The following WAPL variants were observed in gnomAD, a reference collection of about 807,000 sequenced individuals.
WAPL encodes the protein WAPL cohesin release factor, also known as wings apart-like protein homolog.
In WAPL, 5 loss-of-function variants were observed where a neutral mutation model predicts 121.0. That is an observed-to-expected ratio of 0.04 (90% CI 0.02 to 0.09). The LOEUF (loss-of-function observed/expected upper bound fraction) is 0.09. Among genes scored for constraint, WAPL ranks in the 10% least tolerant of loss-of-function variants. The pLI, the probability that WAPL is intolerant of heterozygous loss-of-function variation, is 1.00. For missense variants in WAPL, 999 were observed against 1,410.8 expected (o/e 0.71, Z 4.68); for synonymous variants, 480 against 481.5 (o/e 1.00, Z 0.04).
At chr10:86,482,885 T>C (rs1160098380) in intron 4 of WAPL, among the ~76,000 whole-genome samples, 1 of 152,304 alleles carries the variant, frequency 6.6e-6, no homozygotes, top group Non-Finnish European at 1.5e-5. Flanking sequence ...AATGATTAGC[T>C]TCTGGAGATC....
chr10:86,497,462 A>G, intron 3 of WAPL, 143 bp from the exon 4 acceptor site: 1 of 637,826 alleles, frequency 1.6e-6, no homozygotes, highest in Non-Finnish European at 2.7e-6. Flanking sequence ...CTGACAAAAT[A>G]CTCCCTAGAA....
intron 15 of WAPL, among the ~76,000 whole-genome samples, chr10:86,448,722 C>G (rs1840897633): frequency 6.6e-6 from 1 of 152,094 alleles, no homozygotes; most frequent in Non-Finnish European, 1.5e-5. Context: ...TCATGTGATT[C>G]TCCCACCTCA....
At chr10:86,456,068 G>C (rs1235468283) in intron 12 of WAPL, among the ~76,000 whole-genome samples, 1 of 152,156 alleles carries the variant, frequency 6.6e-6, no homozygotes, top group Non-Finnish European at 1.5e-5. Flanking sequence ...ATAATGTAGA[G>C]TCTGATGGAC....
At chr10:86,463,274 G>A (rs1238109052) in intron 9 of WAPL, among the ~76,000 whole-genome samples, 1 of 152,252 alleles carries the variant, frequency 6.6e-6, no homozygotes, top group Admixed American at 6.5e-5. Flanking sequence ...CAGGTTGACA[G>A]AGCCAGAGAG....
chr10:86,455,683 T>TAAAAAAAAAAAAAAAAAAA (rs539594893), intron 12 of WAPL, among the ~76,000 whole-genome samples: 1 of 29,096 alleles, frequency 3.4e-5, no homozygotes, highest in Non-Finnish European at 7.4e-5. Context: ...CAATAAATAC[T>TAAAAAAAAAAAAAAAAAAA]AAAAAAAAAA....
At chr10:86,448,334 C>G (rs1427501556) in intron 15 of WAPL, among the ~76,000 whole-genome samples, 1 of 152,052 alleles carries the variant, frequency 6.6e-6, no homozygotes, top group East Asian at 1.9e-4. Context: ...GCCTGTAGTT[C>G]CACCTACTTG....
chr10:86,453,907 T>A, intron 12 of WAPL, 76 bp from the exon 13 acceptor site: 3 of 1,221,552 alleles, frequency 2.5e-6, no homozygotes, highest in Non-Finnish European at 3.2e-6. Context: ...TACTTGAACC[T>A]AAAGGCTATC....
chr10:86,450,425 A>C (rs572758492), intron 15 of WAPL, among the ~76,000 whole-genome samples: 6 of 152,130 alleles, frequency 3.9e-5, no homozygotes, highest in Admixed American at 2.6e-4. Flanking sequence ...TTGTACAGAC[A>C]GGATCTCACT....
intron 17 of WAPL, among the ~76,000 whole-genome samples, chr10:86,440,504 T>C (rs910567362): frequency 1.3e-5 from 2 of 151,974 alleles, no homozygotes; most frequent in Non-Finnish European, 2.9e-5. Flanking sequence ...TTTCACCGTG[T>C]TAGCCAGGAT....
chr10:86,521,528 G>C lies in WAPL; in HGVS notation c.-186C>G, dbSNP rs573142991. On this transcript the variant is annotated 5_prime_UTR_variant, in exon 1 of 19. Coordinates refer to ENST00000298767, the MANE Select transcript of WAPL (RefSeq NM_015045.5). ...TTCGGTAAATAGGAAGCCCGGTTGG[G>C]GGGGCAGGAGCGGCGGCCCCGCAAC... 101 of 366,806 alleles carry C rather than the reference G, an allele frequency of 2.8e-4. 1 individual carries two copies. In the Admixed American group the frequency reaches 3.2e-3, roughly 11 times the overall value. 22.7% of individuals were successfully genotyped at this position (366,806 alleles called of 1,614,324 possible).
At chr10:86,507,291 C>T (rs1189155907) in intron 2 of WAPL, among the ~76,000 whole-genome samples, 2 of 134,396 alleles carry the variant, frequency 1.5e-5, no homozygotes, top group Admixed American at 8.6e-5. Flanking sequence ...TCGCTTGAAC[C>T]CGGGAGGCAG....
intron 14 of WAPL, among the ~76,000 whole-genome samples, 174 bp downstream of exon 14, chr10:86,453,046 A>C (rs1249351666): frequency 6.0e-5 from 5 of 83,754 alleles, no homozygotes; most frequent in African/African-American, 1.4e-4. Context: ...AAAAAAAAAA[A>C]AAAAAAAAAA....
intron 4 of WAPL, chr10:86,488,421 T>A (rs771237618): frequency 5.9e-5 from 9 of 152,254 alleles, no homozygotes; most frequent in Non-Finnish European, 1.2e-4. Context: ...AGGATGAGCC[T>A]GGAACATCTT....
In WAPL at chr10:86,498,555, T is replaced by C. The variant is rs183983732; in HGVS notation, c.1525+1163A>G. Among the ~76,000 whole-genome samples the C allele has an allele frequency of 1.8e-3, 275 of 152,314 alleles. 2 individuals are homozygous for C. The highest frequency in any genetic ancestry group is 6.4e-3 in the African/African-American group (268 of 41,566). On this transcript the variant is annotated intron_variant, in intron 3 of 18. Coordinates refer to ENST00000298767, the MANE Select transcript of WAPL (RefSeq NM_015045.5). ...TTATATTCTACAAGAGAATTTGTAT[T>C]TCAAAATACTACTGTAATTCTAATT... is the stretch of plus-strand genomic sequence containing the variant.
intron 17 of WAPL, 101 bp from the exon 18 acceptor site, chr10:86,438,116 T>G (rs1849369969): frequency 2.3e-5 from 18 of 779,262 alleles, no homozygotes; most frequent in Non-Finnish European, 3.2e-5. Flanking sequence ...GTGCAAATTT[T>G]TAAGATCCTT....
Position 86,472,086 on chromosome 10 carries a change from C to A in WAPL, c.2030+122G>T. On this transcript the variant is annotated intron_variant, in intron 7 of 18. Transcript: ENST00000298767. This position sits in a 1 kb window ranked among gnomAD's most constrained non-coding sequence, Gnocchi z 4.2. The stretch of plus-strand genomic sequence containing the variant: ...AAATGGATAGCATTTTAACATATCA[C>A]TGGCTATACATACTACCCCATCATA... The A allele has an allele frequency of 1.2e-6, 1 of 811,458 alleles. No individual in the cohort carries two copies. The highest frequency in any genetic ancestry group is 1.8e-6 in the Non-Finnish European group (1 of 557,944). 50.3% of individuals were successfully genotyped at this position (811,458 alleles called of 1,614,324 possible).
chr10:86,478,969 C>T (rs1011267023), intron 4 of WAPL, among the ~76,000 whole-genome samples: 1 of 151,954 alleles, frequency 6.6e-6, no homozygotes, highest in African/African-American at 2.4e-5. Context: ...TGGTGGCACA[C>T]ATCTGTAATT....
intron 7 of WAPL, among the ~76,000 whole-genome samples, chr10:86,471,413 C>A (rs1445734969): frequency 6.6e-6 from 1 of 152,080 alleles, no homozygotes; most frequent in Non-Finnish European, 1.5e-5. Context: ...ATAAAAATCA[C>A]AATTAATTAA....
At chr10:86,513,492 C>A (rs1324009604) in intron 2 of WAPL, among the ~76,000 whole-genome samples, 1 of 151,724 alleles carries the variant, frequency 6.6e-6, no homozygotes, top group Non-Finnish European at 1.5e-5. Context: ...GCCACCACAC[C>A]TGGTTAATTT....
Sources: gnomAD v4.1 joint callset for allele counts (sites outside exome capture counted in the v4.1 genomes callset) on GRCh38, gnomAD v4.1.1 for gene constraint, Gnocchi (gnomAD v3.1) non-coding constraint, MANE v1.5 for transcripts, NCBI Gene and HGNC (gene_info 2026-07-23, HGNC 2026-07-21) for gene names.